The following ANKMY1 variants were observed in gnomAD, a reference collection of about 807,000 sequenced individuals.
ANKMY1 encodes the protein ankyrin repeat and MYND domain-containing protein 1.
ANKMY1 carries 98 observed loss-of-function variants against 102.0 expected under a neutral mutation model. That is an observed-to-expected ratio of 0.96 (90% confidence interval 0.82 to 1.14). ANKMY1 has a LOEUF of 1.14. ANKMY1 is among the 50% of genes most tolerant of loss of function. The pLI is 0.00. For synonymous variants in ANKMY1, 582 were observed against 559.9 expected (o/e 1.04, Z -0.56); for missense variants, 1,330 against 1,347.6 (o/e 0.99, Z 0.20).
At chr2:240,497,654 T>C (rs2077440951) in intron 15 of ANKMY1, among the ~76,000 whole-genome samples, 1 of 152,232 alleles carries the variant, frequency 6.6e-6, no homozygotes, top group African/African-American at 2.4e-5. Context: ...GTCTATAGTT[T>C]AGTCTGTTAC....
At chr2:240,555,503 G>A (rs1033287684) in intron 2 of ANKMY1, 123 of 181,256 alleles carry the variant, frequency 6.8e-4, no homozygotes, top group African/African-American at 2.8e-3. Context: ...AAGGTCGGAA[G>A]GCAGCTCGAG....
chr2:240,531,546 C>G (rs1037772276), intron 4 of ANKMY1, among the ~76,000 whole-genome samples: 1 of 152,124 alleles, frequency 6.6e-6, no homozygotes, highest in African/African-American at 2.4e-5. Flanking sequence ...AATACTACCC[C>G]ATAATTTTTT....
chr2:240,538,372 G>A (rs1318823808), intron 4 of ANKMY1, among the ~76,000 whole-genome samples: 1 of 152,202 alleles, frequency 6.6e-6, no homozygotes, highest in African/African-American at 2.4e-5. Context: ...CCCACACTCA[G>A]AGCCACCAGC....
chr2:240,559,541 A>G (rs1027683934), upstream of ANKMY1, among the ~76,000 whole-genome samples: 1 of 152,216 alleles, frequency 6.6e-6, no homozygotes, highest in Non-Finnish European at 1.5e-5. Context: ...CAACTCCTAG[A>G]AAGCGGAGGG....
chr2:240,483,454 G>A (rs2075676596), intron 15 of ANKMY1, among the ~76,000 whole-genome samples: 1 of 152,126 alleles, frequency 6.6e-6, no homozygotes, highest in South Asian at 2.1e-4. Flanking sequence ...ACCGCATCTG[G>A]CCTGTATTAT....
At chr2:240,532,674 T>C (rs1234736295) in intron 4 of ANKMY1, among the ~76,000 whole-genome samples, 4 of 152,184 alleles carry the variant, frequency 2.6e-5, no homozygotes. Flanking sequence ...CATACATGTA[T>C]ACACTTGATG....
intron 4 of ANKMY1, among the ~76,000 whole-genome samples, chr2:240,531,877 T>G (rs973931760): frequency 2.0e-5 from 3 of 152,168 alleles, no homozygotes; most frequent in Admixed American, 6.5e-5. Flanking sequence ...TAAATCATGT[T>G]GCATGCAAAT....
Position 240,520,620 on chromosome 2 carries a change from G to A in ANKMY1, c.1833-87C>T. ...GGGGCCATGCCAGCGAGGAGGCTGG[G>A]GAGGGGCGCGTAGGGAGTATGTGTG... On this transcript the variant is annotated intron_variant, in intron 8 of 17. Transcript: ENST00000401804. The surrounding 1 kb of genome is among the most constrained non-coding windows in gnomAD (Gnocchi z 4.8). 4.8e-6 allele frequency: 7 copies of A among 1,473,608 alleles called. No individual in the cohort carries two copies. Among genetic ancestry groups the A allele is most frequent in the Non-Finnish European group, 4.5e-6 (5 of 1,105,086 alleles). 91.3% of individuals were successfully genotyped at this position (1,473,608 alleles called of 1,614,324 possible).
intron 4 of ANKMY1, among the ~76,000 whole-genome samples, chr2:240,548,216 A>C (rs1350267980): frequency 6.6e-6 from 1 of 152,236 alleles, no homozygotes; most frequent in Admixed American, 6.5e-5. Flanking sequence ...AATATACGCA[A>C]ATCAGTAAAT....
intron 11 of ANKMY1, 131 bp from the exon 12 acceptor site, chr2:240,509,586 G>T (rs1166378240): frequency 3.0e-6 from 2 of 661,674 alleles, no homozygotes; most frequent in Non-Finnish European, 5.2e-6. Context: ...CCATTACCTT[G>T]CCTGACACAA....
the ANKMY1 span, among the ~76,000 whole-genome samples, chr2:240,472,061 T>C: frequency 7.9e-5 from 12 of 151,816 alleles, no homozygotes; most frequent in Non-Finnish European, 7.4e-5. Context: ...CCCAAGGACG[T>C]GCTGGGAGAC....
Position 240,529,292 on chromosome 2 carries a change from A to G in ANKMY1, c.698T>C (p.Leu233Pro). 6.2e-7 allele frequency: 1 copy of G among 1,614,198 alleles called. No individual in the cohort carries two copies. The highest frequency in any genetic ancestry group is 8.5e-7 in the Non-Finnish European group (1 of 1,180,048). Reference protein sequence around the residue: ...LSEEEKTEWGLQEGQDPFFYD... With the variant: ...LSEEEKTEWGPQEGQDPFFYD... Reference sequence around the variant, plus strand: ...GAAAAAGGGATCCTGTCCCTCCTGCAGTCCCCACTCCGTTTTCTCCTCTTC... The same window carrying G: ...GAAAAAGGGATCCTGTCCCTCCTGCGGTCCCCACTCCGTTTTCTCCTCTTC... The change falls in exon 5 of 18, where the codon CTG (leucine) becomes CCG (proline). Residue 233 changes from leucine to proline, a missense_variant. Physicochemically the swap from Leu to Pro is moderately conservative, Grantham distance 98 (BLOSUM62 -3). Coordinates refer to ENST00000401804, the MANE Select transcript of ANKMY1 (RefSeq NM_001282771.3). The surrounding 1 kb of genome is among the most constrained non-coding windows in gnomAD (Gnocchi z 4.2).
chr2:240,480,102 G>A (rs1353339295), intron 17 of ANKMY1, among the ~76,000 whole-genome samples: 1 of 152,344 alleles, frequency 6.6e-6, no homozygotes, highest in South Asian at 2.1e-4. Flanking sequence ...TGAGGCAGGA[G>A]AATCACTGGA....
chr2:240,517,581 G>A (rs968721713), intron 9 of ANKMY1, among the ~76,000 whole-genome samples: 10 of 152,168 alleles, frequency 6.6e-5, no homozygotes, highest in East Asian at 5.8e-4. Flanking sequence ...AGGCCAAGGC[G>A]GGAGGACTGC....
At chr2:240,525,164 C>T (rs2083101765) in intron 7 of ANKMY1, among the ~76,000 whole-genome samples, 1 of 152,246 alleles carries the variant, frequency 6.6e-6, no homozygotes, top group Admixed American at 6.5e-5. Context: ...TACATAAACT[C>T]CCAGTGTTAG....
upstream of ANKMY1, chr2:240,558,106 G>T: frequency 2.1e-6 from 1 of 468,494 alleles, no homozygotes; most frequent in Non-Finnish European, 2.8e-6. Flanking sequence ...CCCGCCCTCT[G>T]TGACTTCAGG....
chr2:240,537,965 T>C (rs567281468), intron 4 of ANKMY1, among the ~76,000 whole-genome samples: 15 of 152,356 alleles, frequency 9.8e-5, no homozygotes, highest in African/African-American at 3.6e-4. Context: ...TTGCTGTCCA[T>C]ACATTGTCTT....
intron 17 of ANKMY1, 26 bp from the exon 18 acceptor site, chr2:240,479,681 G>T: frequency 6.2e-7 from 1 of 1,609,096 alleles, no homozygotes; most frequent in Non-Finnish European, 8.5e-7. Context: ...GTGTGGGGGA[G>T]GGGGAAGAGG....
At chr2:240,542,789 T>C (rs1347230395) in intron 4 of ANKMY1, among the ~76,000 whole-genome samples, 1 of 149,624 alleles carries the variant, frequency 6.7e-6, no homozygotes, top group Non-Finnish European at 1.5e-5. Flanking sequence ...GGTTTATAAA[T>C]AAAAGAGCAC....
Sources: gnomAD v4.1 joint callset for allele counts (sites outside exome capture counted in the v4.1 genomes callset) on GRCh38, gnomAD v4.1.1 for gene constraint, Gnocchi (gnomAD v3.1) non-coding constraint, MANE v1.5 for transcripts, NCBI Gene and HGNC (gene_info 2026-07-23, HGNC 2026-07-21) for gene names.